Variants in RSU1 observed in about 807,000 individuals in gnomAD.
RSU1 encodes rsu-1.
In RSU1, 26 loss-of-function variants were observed where a neutral mutation model predicts 31.1. The observed-to-expected ratio is 0.84, with a 90% CI of 0.61 to 1.16. RSU1 has a LOEUF of 1.16. RSU1 is among the 50% of genes most tolerant of loss of function. The pLI is 0.00. For synonymous variants in RSU1, 164 were observed against 136.3 expected (o/e 1.20, Z -1.41); for missense variants, 320 against 339.1 (o/e 0.94, Z 0.44).
At chr10:16,752,871 G>A (rs775055179) in intron 6 of RSU1, 47 bp downstream of exon 6, 2 of 1,516,576 alleles carry the variant, frequency 1.3e-6, no homozygotes, top group Admixed American at 1.7e-5. Context: ...CCCCTACAAG[G>A]CTGCAGCAGT....
intron 2 of RSU1, among the ~76,000 whole-genome samples, chr10:16,783,666 T>C (rs1349123147): frequency 6.6e-6 from 1 of 152,134 alleles, no homozygotes; most frequent in African/African-American, 2.4e-5. Flanking sequence ...ATGTTTTTTT[T>C]TTTGTTTTGT....
intron 8 of RSU1, among the ~76,000 whole-genome samples, chr10:16,690,983 A>C (rs1011866676): frequency 1.3e-5 from 2 of 152,158 alleles, no homozygotes; most frequent in African/African-American, 4.8e-5. Flanking sequence ...ATAAAGGGGA[A>C]GTATGCGGCT....
intron 8 of RSU1, among the ~76,000 whole-genome samples, chr10:16,637,897 C>A (rs1049788904): frequency 2.0e-4 from 31 of 151,868 alleles, no homozygotes; most frequent in Admixed American, 3.3e-4. Flanking sequence ...AAGAACAGTA[C>A]CCGCATCCCT....
At chr10:16,745,003 A>G (rs1195172768) in intron 7 of RSU1, among the ~76,000 whole-genome samples, 2 of 152,112 alleles carry the variant, frequency 1.3e-5, no homozygotes, top group African/African-American at 4.8e-5. Flanking sequence ...GTGTGAGGTG[A>G]GACTTTGGCT....
intron 7 of RSU1, among the ~76,000 whole-genome samples, chr10:16,706,621 T>C (rs904595175): frequency 4.6e-5 from 7 of 152,174 alleles, no homozygotes; most frequent in Admixed American, 3.3e-4. Flanking sequence ...GAATTATACA[T>C]ACTTATGGGG....
intron 2 of RSU1, among the ~76,000 whole-genome samples, chr10:16,806,677 C>T (rs957932211): frequency 2.6e-5 from 4 of 152,154 alleles, no homozygotes; most frequent in African/African-American, 7.2e-5. Context: ...GAGTGCACAA[C>T]GTTGTAGAAT....
intron 8 of RSU1, among the ~76,000 whole-genome samples, chr10:16,650,738 C>A (rs1392001964): frequency 6.9e-6 from 1 of 145,930 alleles, no homozygotes; most frequent in Non-Finnish European, 1.5e-5. Flanking sequence ...CGCCACCACA[C>A]CCGGCTACTT....
intron 8 of RSU1, among the ~76,000 whole-genome samples, chr10:16,594,613 TATATGATATATATGATAGATA>T (rs1470352980): frequency 6.9e-6 from 1 of 145,154 alleles, no homozygotes; most frequent in Non-Finnish European, 1.5e-5. Flanking sequence ...TAATATCTAT[TATATGATATATATGATAGATA>T]ATATGATATA....
chr10:16,783,503 G>T lies in RSU1; in HGVS notation c.110-1419C>A, dbSNP rs184899827. On this transcript the variant is annotated intron_variant, in intron 2 of 8. Coordinates refer to ENST00000345264, the MANE Select transcript of RSU1 (RefSeq NM_012425.4). ...CCACAGTAGCTAGGACTACAGGTGC[G>T]TGCCACCACGCCCAGCTAATTTGTG... 6.6e-4 allele frequency among the ~76,000 whole-genome samples: 100 copies of T among 151,710 alleles called. No homozygotes were observed. In the Middle Eastern group the frequency reaches 0.01, roughly 15 times the overall value.
At chr10:16,672,194 C>T (rs1479499651) in intron 8 of RSU1, among the ~76,000 whole-genome samples, 5 of 151,358 alleles carry the variant, frequency 3.3e-5, no homozygotes, top group African/African-American at 7.3e-5. Context: ...CCTGTAGTCC[C>T]AGCTACTCAG....
intron 7 of RSU1, among the ~76,000 whole-genome samples, chr10:16,714,152 A>G (rs1444245575): frequency 6.6e-6 from 1 of 152,152 alleles, no homozygotes; most frequent in Non-Finnish European, 1.5e-5. Flanking sequence ...GGCTGAGCTT[A>G]GGTGCATATG....
chr10:16,670,088 C>T (rs1835077817), intron 8 of RSU1, among the ~76,000 whole-genome samples: 1 of 152,184 alleles, frequency 6.6e-6, no homozygotes, highest in African/African-American at 2.4e-5. Flanking sequence ...TACTCAGGCC[C>T]ATGTAGTGCA....
At chr10:16,696,206 A>G (rs377266073) in intron 7 of RSU1, among the ~76,000 whole-genome samples, 1 of 152,186 alleles carries the variant, frequency 6.6e-6, no homozygotes, top group East Asian at 1.9e-4. Flanking sequence ...CTAGAGACAC[A>G]GCAAAGATTT....
At chr10:16,746,758 G>A (rs1406563344) in intron 7 of RSU1, among the ~76,000 whole-genome samples, 7 of 145,302 alleles carry the variant, frequency 4.8e-5, no homozygotes, top group Admixed American at 7.1e-5. Context: ...CACTACCAAC[G>A]CAGGATTTTT....
chr10:16,592,810 A>G lies in RSU1; in HGVS notation c.*584T>C, dbSNP rs1833531486. 6.6e-6 allele frequency: 1 copy of G among 152,276 alleles called. No individual in the cohort carries two copies. The highest frequency in any genetic ancestry group is 2.1e-4 in the South Asian group (1 of 4,836). The allele number at this position is 152,276 out of a possible 1,614,324, so 9.4% of individuals were successfully genotyped here. ...ATGAAAAGTTTATCATGTATAACCAATAAAATTGGATAAGATGATTTTGGG... is the reference window on the plus strand; with the variant it reads ...ATGAAAAGTTTATCATGTATAACCAGTAAAATTGGATAAGATGATTTTGGG... On this transcript the variant is annotated 3_prime_UTR_variant, in exon 9 of 9. Coordinates refer to ENST00000345264, the MANE Select transcript of RSU1 (RefSeq NM_012425.4).
intron 8 of RSU1, among the ~76,000 whole-genome samples, chr10:16,651,730 T>C (rs895096292): frequency 3.3e-5 from 5 of 152,204 alleles, no homozygotes; most frequent in Admixed American, 6.5e-5. Context: ...AGAATAAAAA[T>C]TGAATTATGG....
chr10:16,791,355 C>T (rs1037594092), intron 2 of RSU1, among the ~76,000 whole-genome samples: 1 of 152,042 alleles, frequency 6.6e-6, no homozygotes. Context: ...AAAAACTGGG[C>T]AGGTGTGGTG....
chr10:16,645,064 A>G (rs748940451), intron 8 of RSU1, among the ~76,000 whole-genome samples: 102 of 152,246 alleles, frequency 6.7e-4, no homozygotes, highest in Non-Finnish European at 1.2e-3. Flanking sequence ...GAATGGGTCC[A>G]GAAGTTTCAA....
At chr10:16,682,196 T>C (rs1328093142) in intron 8 of RSU1, among the ~76,000 whole-genome samples, 3 of 152,306 alleles carry the variant, frequency 2.0e-5, no homozygotes, top group African/African-American at 4.8e-5. Context: ...CTCCACACTC[T>C]ATAGGGCAAA....
Sources: allele counts gnomAD v4.1 joint callset (sites outside exome capture counted in the v4.1 genomes callset), GRCh38; gene constraint gnomAD v4.1.1; transcripts MANE v1.5; gene names NCBI Gene and HGNC (gene_info 2026-07-23, HGNC 2026-07-21).